The following RNF180 variants were observed in gnomAD, a reference collection of about 807,000 sequenced individuals.
The protein encoded by RNF180 is ring finger protein 180, also known as E3 ubiquitin-protein ligase RNF180.
In RNF180, 38 loss-of-function variants were observed where a neutral mutation model predicts 59.2. The ratio of observed to expected loss-of-function variants is 0.64; its 90% CI spans 0.50 to 0.84. RNF180 has a LOEUF of 0.84. RNF180 is among the 40% of genes least tolerant of loss of function. The pLI is 0.00. For synonymous variants in RNF180, 262 were observed against 240.3 expected, an observed-to-expected ratio of 1.09 and a Z score of -0.84; for missense variants, 705 against 700.9, an observed-to-expected ratio of 1.01 and a Z score of -0.07.
chr5:64,341,406 TAACTC>T (rs1006812637), intron 7 of RNF180, among the ~76,000 whole-genome samples: 39 of 152,168 alleles, frequency 2.6e-4, no homozygotes, highest in African/African-American at 7.7e-4. Flanking sequence ...GCATAGCTCT[TAACTC>T]AAACTGGACT....
Position 64,371,295 on chromosome 5 carries a change from G to T in RNF180, c.*1481G>T, listed in dbSNP as rs1242715652. 6.6e-6 allele frequency: 1 copy of T among 151,444 alleles called. No homozygotes were observed. Among genetic ancestry groups the T allele is most frequent in the Non-Finnish European group, 1.5e-5 (1 of 67,650 alleles). The allele number at this position is 151,444 out of a possible 1,614,324, so 9.4% of individuals were successfully genotyped here. On this transcript the variant is annotated 3_prime_UTR_variant, in exon 8 of 8. Transcript: ENST00000389100. ...AAATGGATATTTATAATTACTAATT[G>T]CTCAAAGTAAACATAAGGGAAAATA...
intron 5 of RNF180, among the ~76,000 whole-genome samples, chr5:64,319,872 C>T (rs531881305): frequency 2.0e-5 from 3 of 152,308 alleles, no homozygotes; most frequent in East Asian, 1.9e-4. Context: ...CAAGATTTGG[C>T]AGGTGCCATA....
chr5:64,197,759 G>C (rs574725152), intron 1 of RNF180, among the ~76,000 whole-genome samples: 121 of 152,188 alleles, frequency 8.0e-4, no homozygotes, highest in African/African-American at 2.9e-3. Flanking sequence ...GTACCTTTTC[G>C]TGGCACATTA....
intron 1 of RNF180, among the ~76,000 whole-genome samples, chr5:64,174,502 A>G (rs765718652): frequency 7.9e-5 from 12 of 151,956 alleles, no homozygotes; most frequent in Non-Finnish European, 1.6e-4. Context: ...CAGCCATTCT[A>G]ATTGGGGTGA....
intron 5 of RNF180, among the ~76,000 whole-genome samples, chr5:64,254,324 C>G (rs1041095928): frequency 6.6e-6 from 1 of 152,166 alleles, no homozygotes; most frequent in African/African-American, 2.4e-5. Flanking sequence ...GGTGTTTCAT[C>G]TAATAATTCC....
rs775120918 is a variant in RNF180, at chr5:64,317,601, C to T, written c.1228-7585C>T. Among the ~76,000 whole-genome samples, 157 of 108,360 alleles carry T rather than the reference C, an allele frequency of 1.4e-3. 1 individual carries two copies. The highest frequency in any genetic ancestry group is 6.8e-3 in the South Asian group (24 of 3,534). 71.1% of individuals were successfully genotyped at this position (108,360 alleles called of 152,430 possible). A position where few individuals can be genotyped will look rare whatever the true frequency, so the allele number is the denominator to read the frequency against. ...ACACATATATATACATATTTATACA[C>T]ACACACACACACACACATATATACA... is the stretch of plus-strand genomic sequence containing the variant. On this transcript the variant is annotated intron_variant, in intron 5 of 7. Coordinates refer to ENST00000389100, the MANE Select transcript of RNF180 (RefSeq NM_001113561.2).
At chr5:64,354,503 AT>A (rs1745940565) in intron 7 of RNF180, among the ~76,000 whole-genome samples, 1 of 151,780 alleles carries the variant, frequency 6.6e-6, no homozygotes, top group Admixed American at 6.6e-5. Context: ...AGCTTCACTG[AT>A]GAATTCTGCC....
At chr5:64,361,618 A>G (rs955021445) in intron 7 of RNF180, among the ~76,000 whole-genome samples, 5 of 151,526 alleles carry the variant, frequency 3.3e-5, no homozygotes, top group South Asian at 2.1e-4. Flanking sequence ...TTAAAATAGC[A>G]TAGTTAAAAT....
chr5:64,354,343 G>T (rs964304444), intron 7 of RNF180, among the ~76,000 whole-genome samples: 37 of 151,678 alleles, frequency 2.4e-4, no homozygotes, highest in African/African-American at 8.5e-4. Context: ...AAAACTTAGA[G>T]GACTTAAGTA....
At chr5:64,219,294 C>T (rs980245206) in intron 5 of RNF180, among the ~76,000 whole-genome samples, 13 of 151,952 alleles carry the variant, frequency 8.6e-5, no homozygotes, top group African/African-American at 2.2e-4. Context: ...CTTGCATTCC[C>T]GCCATAAACT....
chr5:64,268,096 A>G (rs1423706632), intron 5 of RNF180, among the ~76,000 whole-genome samples: 1 of 152,220 alleles, frequency 6.6e-6, no homozygotes, highest in African/African-American at 2.4e-5. Context: ...TCTATTGACC[A>G]TAAATATATC....
intron 5 of RNF180, among the ~76,000 whole-genome samples, chr5:64,307,014 A>T (rs2112470579): frequency 6.6e-6 from 1 of 151,498 alleles, no homozygotes; most frequent in East Asian, 1.9e-4. Flanking sequence ...AATAAAAAAA[A>T]AGATGTGACC....
chr5:64,192,865 G>A (rs1751232584), intron 1 of RNF180, among the ~76,000 whole-genome samples: 1 of 138,050 alleles, frequency 7.2e-6, no homozygotes, highest in East Asian at 2.2e-4. Context: ...AAAACCAGGT[G>A]CCTATTGACA....
At chr5:64,191,561 A>G (rs575859182) in intron 1 of RNF180, among the ~76,000 whole-genome samples, 11 of 152,200 alleles carry the variant, frequency 7.2e-5, no homozygotes, top group Non-Finnish European at 1.5e-4. Flanking sequence ...AATATAGACT[A>G]TTTCACAAAG....
At position 64,270,048 on chromosome 5, in the gene RNF180, C is replaced by CACAA. The variant is rs1554038283; in HGVS notation, c.1227+52653_1227+52654insCAAA. ...AATAACACACACACACACACACACA[C>CACAA]AAAAGCCTTTAGTGGATCGTAAATC... On this transcript the variant is annotated intron_variant, in intron 5 of 7. Transcript: ENST00000389100. Among the ~76,000 whole-genome samples, 1,244 of 149,606 alleles carry CACAA rather than the reference C, an allele frequency of 8.3e-3. 10 individuals carry two copies. The highest frequency in any genetic ancestry group is 0.013 in the Non-Finnish European group (868 of 67,100).
chr5:64,222,048 T>A (rs1455652966), intron 5 of RNF180, among the ~76,000 whole-genome samples: 2 of 152,232 alleles, frequency 1.3e-5, no homozygotes, highest in Admixed American at 1.3e-4. Flanking sequence ...TTGTCATGTC[T>A]CATTAGGTTC....
At chr5:64,333,321 G>T (rs1241828147) in intron 7 of RNF180, among the ~76,000 whole-genome samples, 1 of 152,226 alleles carries the variant, frequency 6.6e-6, no homozygotes, top group East Asian at 1.9e-4. Flanking sequence ...GGGATTACAG[G>T]TGCGTGCTAC....
intron 5 of RNF180, among the ~76,000 whole-genome samples, chr5:64,274,404 G>C (rs959430847): frequency 3.3e-5 from 5 of 151,008 alleles, no homozygotes; most frequent in Non-Finnish European, 7.4e-5. Flanking sequence ...GAATTCTTCT[G>C]GTTATATGTC....
chr5:64,353,234 A>G (rs1745886162), intron 7 of RNF180, among the ~76,000 whole-genome samples: 1 of 151,788 alleles, frequency 6.6e-6, no homozygotes, highest in Non-Finnish European at 1.5e-5. Context: ...TTTTCTGTTT[A>G]TTACAGAAAA....
Sources: gnomAD v4.1 joint callset for allele counts (sites outside exome capture counted in the v4.1 genomes callset) on GRCh38, gnomAD v4.1.1 for gene constraint, MANE v1.5 for transcripts, NCBI Gene and HGNC (gene_info 2026-07-23, HGNC 2026-07-21) for gene names.